BTLA: variants seen among roughly 807,000 people sequenced by gnomAD.
The protein encoded by BTLA is B- and T-lymphocyte attenuator.
BTLA carries 11 observed loss-of-function variants against 25.0 expected under a neutral mutation model. The ratio of observed to expected loss-of-function variants is 0.44; its 90% CI spans 0.28 to 0.73. The LOEUF (loss-of-function observed/expected upper bound fraction) is 0.73, where lower values mean the gene tolerates loss of function less well. BTLA is among the 30% of genes least tolerant of loss of function. The probability of loss-of-function intolerance (pLI) is 0.15; values close to 1 mark genes in which losing one functional copy is unlikely to be tolerated. For missense variants in BTLA, 282 were observed against 332.8 expected (o/e 0.85, Z 1.19); for synonymous variants, 104 against 119.8 (o/e 0.87, Z 0.86).
chr3:112,490,031 C>T (rs1231572350), intron 1 of BTLA, among the ~76,000 whole-genome samples: 2 of 152,160 alleles, frequency 1.3e-5, no homozygotes, highest in African/African-American at 4.8e-5. Context: ...AGGACATTGA[C>T]TTGCATACCT....
At chr3:112,488,948 T>C (rs899250189) in intron 1 of BTLA, among the ~76,000 whole-genome samples, 3 of 152,154 alleles carry the variant, frequency 2.0e-5, no homozygotes, top group East Asian at 1.9e-4. Flanking sequence ...TATGTGTTCA[T>C]GTTTCTGTCT....
At chr3:112,493,706 T>C (rs1400901921) in intron 1 of BTLA, among the ~76,000 whole-genome samples, 1 of 152,214 alleles carries the variant, frequency 6.6e-6, no homozygotes, top group Non-Finnish European at 1.5e-5. Context: ...TTCACTATGC[T>C]GGCCAGACTG....
At chr3:112,472,309 A>G (rs1223965015) in intron 2 of BTLA, among the ~76,000 whole-genome samples, 1 of 152,104 alleles carries the variant, frequency 6.6e-6, no homozygotes, top group Non-Finnish European at 1.5e-5. Flanking sequence ...ATTTGTGTGC[A>G]TTATGGGTTG....
intron 1 of BTLA, among the ~76,000 whole-genome samples, chr3:112,485,969 T>C (rs1468813015): frequency 6.6e-6 from 1 of 152,074 alleles, no homozygotes; most frequent in Non-Finnish European, 1.5e-5. Context: ...AACAAAAAAT[T>C]AGCCGGGCGT....
chr3:112,466,411 G>A lies in BTLA; in HGVS notation c.595-28C>T, dbSNP rs772224089. 9 of 1,534,398 alleles carry A rather than the reference G, an allele frequency of 5.9e-6. No individual in the cohort carries two copies. In the Admixed American group the frequency reaches 1.4e-4, roughly 24 times the overall value. On this transcript the variant is annotated intron_variant, in intron 4 of 4. Coordinates refer to ENST00000334529, the MANE Select transcript of BTLA (RefSeq NM_181780.4). ...ACAATAGAAAAAAAGATGGTTTTAA[G>A]TGACACTTACGGCCATGGTAGTGCA...
At chr3:112,498,682 C>A (rs1442608063) in intron 1 of BTLA, among the ~76,000 whole-genome samples, 1 of 149,116 alleles carries the variant, frequency 6.7e-6, no homozygotes, top group East Asian at 2.0e-4. Flanking sequence ...AAGTAGGAAC[C>A]ATTCCCTTTC....
intron 1 of BTLA, among the ~76,000 whole-genome samples, chr3:112,482,324 G>T (rs2082322216): frequency 1.3e-5 from 2 of 152,170 alleles, no homozygotes; most frequent in Admixed American, 1.3e-4. Context: ...AAGTGTAACA[G>T]AGATGATAGC....
upstream of BTLA, chr3:112,499,566 T>C (rs2107347131): frequency 1.9e-6 from 1 of 521,476 alleles, no homozygotes; most frequent in East Asian, 2.9e-5. Flanking sequence ...AAAGACGATG[T>C]GGTACTCTGT....
chr3:112,498,724 C>T (rs147182307), intron 1 of BTLA, among the ~76,000 whole-genome samples: 3 of 152,102 alleles, frequency 2.0e-5, no homozygotes, highest in Non-Finnish European at 4.4e-5. Flanking sequence ...AAAAGTTCTG[C>T]TCCTATATTT....
chr3:112,477,127 G>T (rs1037206636), intron 2 of BTLA, among the ~76,000 whole-genome samples: 3 of 152,060 alleles, frequency 2.0e-5, no homozygotes, highest in Non-Finnish European at 4.4e-5. Context: ...TGTGAATAGT[G>T]CTGTGATAAA....
At chr3:112,488,034 G>T (rs2082357911) in intron 1 of BTLA, among the ~76,000 whole-genome samples, 1 of 152,052 alleles carries the variant, frequency 6.6e-6, no homozygotes, top group Admixed American at 6.6e-5. Context: ...CAGCCATGAA[G>T]TTCAATTGAT....
At chr3:112,498,891 T>C (rs745476937) in intron 1 of BTLA, among the ~76,000 whole-genome samples, 1 of 152,164 alleles carries the variant, frequency 6.6e-6, no homozygotes, top group Non-Finnish European at 1.5e-5. Context: ...ACTGCAGCAC[T>C]CTACTGCACT....
In BTLA at chr3:112,464,952, C is replaced by T. The variant is rs1341779494; in HGVS notation, c.*1156G>A. ...AGCAGCACCTGAGAATTCGAATAGC[C>T]TCAAACTGTTGAATAAAATTATAGG... On this transcript the variant is annotated 3_prime_UTR_variant, in exon 5 of 5. Transcript: ENST00000334529. 1 of 152,150 alleles carries T rather than the reference C, an allele frequency of 6.6e-6. No individual in the cohort carries two copies. The highest frequency in any genetic ancestry group is 2.4e-5 in the African/African-American group (1 of 41,430). 9.4% of individuals were successfully genotyped at this position (152,150 alleles called of 1,614,324 possible). A position where few individuals can be genotyped will look rare whatever the true frequency, so the allele number is the denominator to read the frequency against.
In BTLA at chr3:112,464,168, T is replaced by C. The variant is rs1355483704; in HGVS notation, c.*1940A>G. ...TCTCTGACACCATTTTGAAAAGGAATAAAAACATAAATGATTTGTGATTTT... is the reference window on the plus strand; with the variant it reads ...TCTCTGACACCATTTTGAAAAGGAACAAAAACATAAATGATTTGTGATTTT... On this transcript the variant is annotated 3_prime_UTR_variant, in exon 5 of 5. Coordinates refer to ENST00000334529, the MANE Select transcript of BTLA (RefSeq NM_181780.4). 2.5e-6 allele frequency: 1 copy of C among 397,998 alleles called. No individual in the cohort carries two copies. Among genetic ancestry groups the C allele is most frequent in the Non-Finnish European group, 4.4e-6 (1 of 225,698 alleles). The allele number at this position is 397,998 out of a possible 1,614,324, so 24.7% of individuals were successfully genotyped here.
chr3:112,483,377 A>G (rs111311350), intron 1 of BTLA, among the ~76,000 whole-genome samples: 210 of 151,692 alleles, frequency 1.4e-3, no homozygotes, highest in African/African-American at 4.7e-3. Context: ...TGAACTCCCA[A>G]CCTGAGGTGA....
At chr3:112,469,736 T>A in intron 4 of BTLA, 22 bp downstream of exon 4, 1 of 1,603,252 alleles carries the variant, frequency 6.2e-7, no homozygotes, top group African/African-American at 1.3e-5. Flanking sequence ...TGCATTTGTT[T>A]CAACAGCTAC....
chr3:112,497,156 A>G (rs930788281), intron 1 of BTLA, among the ~76,000 whole-genome samples: 1 of 152,280 alleles, frequency 6.6e-6, no homozygotes, highest in African/African-American at 2.4e-5. Flanking sequence ...GTTAAAACAT[A>G]ATTCTCATTT....
chr3:112,472,309 A>C (rs1223965015), intron 2 of BTLA, among the ~76,000 whole-genome samples: 3 of 152,104 alleles, frequency 2.0e-5, no homozygotes, highest in Admixed American at 2.0e-4. Flanking sequence ...ATTTGTGTGC[A>C]TTATGGGTTG....
rs538924880 is a variant in BTLA, at chr3:112,464,241, T to A, written c.*1867A>T. 1 of 397,554 alleles carries A rather than the reference T, an allele frequency of 2.5e-6. No individual in the cohort carries two copies. The highest frequency in any genetic ancestry group is 4.4e-5 in the Admixed American group (1 of 22,710). 24.6% of individuals were successfully genotyped at this position (397,554 alleles called of 1,614,324 possible). A position where few individuals can be genotyped will look rare whatever the true frequency, so the allele number is the denominator to read the frequency against. On this transcript the variant is annotated 3_prime_UTR_variant, in exon 5 of 5. Transcript: ENST00000334529. ...ATACATCTTAGAGATGAAATCATTA[T>A]CAGCATTATCTTTACTATAAGACAT...
Sources: gnomAD v4.1 joint callset for allele counts (sites outside exome capture counted in the v4.1 genomes callset) on GRCh38, gnomAD v4.1.1 for gene constraint, MANE v1.5 for transcripts, NCBI Gene and HGNC (gene_info 2026-07-23, HGNC 2026-07-21) for gene names.